Variants in DCK observed in about 807,000 individuals in gnomAD.
DCK encodes the protein deoxycytidine kinase, also known as deoxyadenosine kinase.
A neutral mutation model predicts 38.3 loss-of-function variants in DCK; 23 were observed. The observed-to-expected ratio is 0.60, with a 90% CI of 0.43 to 0.85. The LOEUF (loss-of-function observed/expected upper bound fraction) is 0.85, where lower values mean the gene tolerates loss of function less well. DCK is among the 40% of genes least tolerant of loss of function. DCK has a pLI of 0.00. For missense variants in DCK, 259 were observed against 304.4 expected, an observed-to-expected ratio of 0.85 and a Z score of 1.11; for synonymous variants, 108 against 100.6, an observed-to-expected ratio of 1.07 and a Z score of -0.44.
intron 5 of DCK, among the ~76,000 whole-genome samples, chr4:71,026,191 G>T (rs968668851): frequency 6.6e-6 from 1 of 151,974 alleles, no homozygotes; most frequent in African/African-American, 2.4e-5. Context: ...GATAAAGTAG[G>T]AATATATCTG....
At chr4:71,013,527 C>T (rs1740159353) in intron 2 of DCK, among the ~76,000 whole-genome samples, 1 of 152,172 alleles carries the variant, frequency 6.6e-6, no homozygotes, top group Non-Finnish European at 1.5e-5. Flanking sequence ...GGGTTACCCA[C>T]AAAGGGAAGC....
intron 2 of DCK, among the ~76,000 whole-genome samples, chr4:70,999,302 AGATT>A (rs1363818290): frequency 2.0e-5 from 3 of 152,134 alleles, no homozygotes; most frequent in Admixed American, 1.3e-4. Flanking sequence ...TAGCTTGCTG[AGATT>A]GATGGTTTCC....
chr4:70,996,060 T>C lies in DCK; in HGVS notation c.92-2007T>C, dbSNP rs567647074. On this transcript the variant is annotated intron_variant, in intron 1 of 6. Transcript: ENST00000286648. ...TCTCTAAGAAAAATAAAAATAAAAT[T>C]AGGCCAGGCACAGTGGATCACGCCT... 1.2e-3 allele frequency among the ~76,000 whole-genome samples: 178 copies of C among 152,046 alleles called. 1 individual carries two copies. The highest frequency in any genetic ancestry group is 3.9e-3 in the African/African-American group (161 of 41,458).
intron 2 of DCK, among the ~76,000 whole-genome samples, chr4:71,016,176 A>G (rs1301413120): frequency 6.6e-6 from 1 of 152,240 alleles, no homozygotes; most frequent in Non-Finnish European, 1.5e-5. Flanking sequence ...GTGAACTCCC[A>G]TTCACAGTTG....
chr4:71,018,252 G>A (rs1251206312), intron 2 of DCK, among the ~76,000 whole-genome samples: 1 of 148,860 alleles, frequency 6.7e-6, no homozygotes, highest in Non-Finnish European at 1.5e-5. Flanking sequence ...TCAGCCTCCC[G>A]AGTAGCTGAG....
At chr4:71,006,762 C>T (rs1028656883) in intron 2 of DCK, among the ~76,000 whole-genome samples, 3 of 152,084 alleles carry the variant, frequency 2.0e-5, no homozygotes, top group Non-Finnish European at 4.4e-5. Flanking sequence ...GAGCCATGCT[C>T]ATGCCACTGT....
Position 70,993,843 on chromosome 4 carries a change from C to A in DCK, c.8C>A (p.Thr3Asn). ...CCGCCACAAGACTAAGGAATGGCCACCCCGCCCAAGAGAAGCTGCCCGTCT... is the reference window on the plus strand; with the variant it reads ...CCGCCACAAGACTAAGGAATGGCCAACCCGCCCAAGAGAAGCTGCCCGTCT... MA[T>N]PPKRSCPSFS... The change falls in exon 1 of 7, where the codon ACC (threonine) becomes AAC (asparagine). Residue 3 changes from threonine to asparagine, a missense_variant. Physicochemically the swap from Thr to Asn is moderately conservative, Grantham distance 65. This residue lies in a region of DCK where 159 missense variants were observed against 159.0 expected (regional missense o/e 1.00). Coordinates refer to ENST00000286648, the MANE Select transcript of DCK (RefSeq NM_000788.3). 6.2e-7 allele frequency: 1 copy of A among 1,613,290 alleles called. No individual in the cohort carries two copies. Among genetic ancestry groups the A allele is most frequent in the Non-Finnish European group, 8.5e-7 (1 of 1,179,432 alleles).
At chr4:70,998,298 A>G (rs548793579) in intron 2 of DCK, 116 bp downstream of exon 2, 20 of 489,406 alleles carry the variant, frequency 4.1e-5, no homozygotes, top group African/African-American at 3.8e-4. Context: ...TTAGGTATAT[A>G]TCTTCATCTA....
intron 2 of DCK, among the ~76,000 whole-genome samples, chr4:71,001,154 C>T (rs1439506592): frequency 6.6e-6 from 1 of 152,078 alleles, no homozygotes; most frequent in Non-Finnish European, 1.5e-5. Context: ...TTTTGAGATA[C>T]ATTTCATCAA....
At chr4:71,028,504 T>G (rs1740595550) in intron 6 of DCK, 1 of 322,846 alleles carries the variant, frequency 3.1e-6, no homozygotes, top group Admixed American at 4.3e-5. Flanking sequence ...GAGCTTTGAT[T>G]GCACCACTGT....
intron 6 of DCK, among the ~76,000 whole-genome samples, chr4:71,027,758 A>G (rs1014841452): frequency 6.6e-6 from 1 of 152,176 alleles, no homozygotes; most frequent in Non-Finnish European, 1.5e-5. Context: ...ACCTCTTCAT[A>G]CTACTAATGA....
At chr4:71,018,636 T>G (rs1740334068) in intron 2 of DCK, among the ~76,000 whole-genome samples, 3 of 151,834 alleles carry the variant, frequency 2.0e-5, no homozygotes, top group African/African-American at 2.4e-5. Flanking sequence ...AACATTCAGT[T>G]TGGTAAAGAT....
At chr4:71,013,790 A>G (rs1286512605) in intron 2 of DCK, among the ~76,000 whole-genome samples, 1 of 152,260 alleles carries the variant, frequency 6.6e-6, no homozygotes, top group East Asian at 1.9e-4. Context: ...AAGCGGTACC[A>G]GCCACTGCAA....
intron 2 of DCK, among the ~76,000 whole-genome samples, chr4:71,013,124 G>C (rs1578424274): frequency 6.6e-6 from 1 of 152,212 alleles, no homozygotes; most frequent in South Asian, 2.1e-4. Flanking sequence ...ACAAGCTTCA[G>C]TAGCCGATTC....
intron 2 of DCK, among the ~76,000 whole-genome samples, chr4:71,005,405 T>C (rs1739915025): frequency 6.6e-6 from 1 of 152,030 alleles, no homozygotes; most frequent in Admixed American, 6.5e-5. Flanking sequence ...GAGCTGTTCC[T>C]ATTTGGCCAT....
intron 2 of DCK, among the ~76,000 whole-genome samples, chr4:71,021,820 G>C (rs1205467258): frequency 6.6e-6 from 1 of 152,080 alleles, no homozygotes; most frequent in East Asian, 1.9e-4. Flanking sequence ...GGCTAACACG[G>C]TGAAACCCCG....
chr4:71,018,289 G>A (rs1356353356), intron 2 of DCK, among the ~76,000 whole-genome samples: 1 of 151,782 alleles, frequency 6.6e-6, no homozygotes, highest in Non-Finnish European at 1.5e-5. Context: ...ACCATGCCCC[G>A]CTATTTTTTT....
chr4:70,995,175 G>A (rs539587509), intron 1 of DCK, among the ~76,000 whole-genome samples: 11 of 152,260 alleles, frequency 7.2e-5, no homozygotes, highest in African/African-American at 2.6e-4. Flanking sequence ...GATATAATTA[G>A]CAATGTAAGT....
At chr4:71,013,778 A>G (rs1740165902) in intron 2 of DCK, among the ~76,000 whole-genome samples, 1 of 152,222 alleles carries the variant, frequency 6.6e-6, no homozygotes, top group South Asian at 2.1e-4. Context: ...ATAGAAAGGA[A>G]CAAGCGGTAC....
Sources: allele counts gnomAD v4.1 joint callset (sites outside exome capture counted in the v4.1 genomes callset), GRCh38; gene constraint gnomAD v4.1.1; regional missense constraint gnomAD v4.1.1; transcripts MANE v1.5; gene names NCBI Gene and HGNC (gene_info 2026-07-23, HGNC 2026-07-21).